The following ASB6 variants were observed in gnomAD, a reference collection of about 807,000 sequenced individuals.
The protein encoded by ASB6 is ankyrin repeat and SOCS box containing 6, also known as ankyrin repeat and SOCS box protein 6.
In ASB6, 24 loss-of-function variants were observed where a neutral mutation model predicts 28.6. That is an observed-to-expected ratio of 0.84 (90% CI 0.61 to 1.18). The LOEUF (loss-of-function observed/expected upper bound fraction) is 1.18. Ranked by LOEUF, ASB6 falls within the 50% of genes most tolerant of loss-of-function variation. The pLI, the probability that ASB6 is intolerant of heterozygous loss-of-function variation, is 0.00. For synonymous variants in ASB6, 267 were observed against 243.4 expected, an observed-to-expected ratio of 1.10 and a Z score of -0.90; for missense variants, 519 against 559.8, an observed-to-expected ratio of 0.93 and a Z score of 0.74.
chr9:129,640,866 C>G, intron 1 of ASB6, 144 bp from the exon 2 acceptor site: 1 of 986,080 alleles, frequency 1.0e-6, no homozygotes, highest in Non-Finnish European at 1.5e-6. Context: ...GGGGGAAGCT[C>G]TGAAGTAGAG....
chr9:129,639,967 C>G (rs1341688210), intron 2 of ASB6, among the ~76,000 whole-genome samples: 1 of 152,186 alleles, frequency 6.6e-6, no homozygotes, highest in Non-Finnish European at 1.5e-5. Context: ...GGAGACGTGC[C>G]TGGCTGTCTC....
Position 129,635,121 on chromosome 9 carries a change from G to T in ASB6, c.*2669C>A, listed in dbSNP as rs1195152416. 6.1e-6 allele frequency: 9 copies of T among 1,468,354 alleles called. No homozygotes were observed. The highest frequency in any genetic ancestry group is 8.3e-6 in the Non-Finnish European group (9 of 1,087,346). The allele number at this position is 1,468,354 out of a possible 1,614,324, so 91.0% of individuals were successfully genotyped here. ...CACAAAATGCTGGGCACAAATGAGG[G>T]GCTCAGCGGGGCTGAGAAGTACATC... On this transcript the variant is annotated 3_prime_UTR_variant, in exon 6 of 6. Coordinates refer to ENST00000277458, the MANE Select transcript of ASB6 (RefSeq NM_017873.4).
Position 129,637,808 on chromosome 9 carries a change from G to A in ASB6, c.1248C>T (p.Ser416=), listed in dbSNP as rs1418183579. The A allele has an allele frequency of 2.6e-6, 4 of 1,512,030 alleles. No homozygotes were observed. The highest frequency in any genetic ancestry group is 1.3e-5 in the South Asian group (1 of 74,546). 93.7% of individuals were successfully genotyped at this position (1,512,030 alleles called of 1,614,324 possible). The part of the protein sequence containing the change: ...KWYLLSEHSG[S]VEDDI ...AGACCTATCAGATGTCATCTTCCAC[G>A]GAGCCACTGTGCTCGCTAAGGAGGT... is the stretch of plus-strand genomic sequence containing the variant. Residue 416 remains serine (S), a synonymous_variant, in exon 6 of 6, where the codon TCC becomes TCT. Transcript: ENST00000277458.
rs202205016 is a variant in ASB6 at position 129,638,336 on chromosome 9, G to A, written c.720C>T (p.Phe240=). The change falls in exon 6 of 6, where the codon TTC becomes TTT. Residue 240 remains phenylalanine, a synonymous_variant. Coordinates refer to ENST00000277458, the MANE Select transcript of ASB6 (RefSeq NM_017873.4). ...EEAQMINRFC[F]QVTRLLLAHG... ...GTGCCAGCAGCAGCCGTGTGACTTG[G>A]AAGCAGAAGCGGTTGATCATCTGGG... 1.9e-5 allele frequency: 31 copies of A among 1,612,942 alleles called. No homozygotes were observed. In the East Asian group the frequency reaches 4.2e-4, roughly 22 times the overall value.
chr9:129,639,840 C>T (rs923542115), intron 2 of ASB6, among the ~76,000 whole-genome samples: 1 of 152,228 alleles, frequency 6.6e-6, no homozygotes, highest in Non-Finnish European at 1.5e-5. Context: ...CTGGTGGTAA[C>T]AGCCAGGTTC....
chr9:129,638,546 C>T lies in ASB6; in HGVS notation c.598+27G>A, dbSNP rs376199179. ...CACATCGAAGGGGCGGGTGAGAGGA[C>T]GAGGCCTAGGAGCGCGCCAGCCTCA... is the stretch of plus-strand genomic sequence containing the variant. On this transcript the variant is annotated intron_variant, in intron 5 of 5. Coordinates refer to ENST00000277458, the MANE Select transcript of ASB6 (RefSeq NM_017873.4). 43 of 1,613,006 alleles carry T rather than the reference C, an allele frequency of 2.7e-5. 1 individual carries two copies. Among genetic ancestry groups the T allele is most frequent in the Middle Eastern group, 3.3e-4 (2 of 6,062 alleles).
Position 129,638,402 on chromosome 9 carries a change from G to A in ASB6, c.654C>T (p.Ile218=), listed in dbSNP as rs774556364. ...CTCCCACGGTCTCACCAAGCAGGAA[G>A]ATGATGCAGGTGAACACTGTGTCCC... The part of the protein sequence containing the change: ...KDGDTVFTCI[I]FLLGETVGGD... Residue 218 remains isoleucine (I), a synonymous_variant, in exon 6 of 6, where the codon ATC becomes ATT. Coordinates refer to ENST00000277458, the MANE Select transcript of ASB6 (RefSeq NM_017873.4). 3.7e-6 allele frequency: 6 copies of A among 1,613,730 alleles called. No homozygotes were observed. The Admixed American group carries it at 6.7e-5, about 18-fold the overall frequency.
At position 129,638,257 on chromosome 9, in the gene ASB6, G is replaced by A; in HGVS notation, c.799C>T (p.Leu267=). 7 of 1,613,516 alleles carry A rather than the reference G, an allele frequency of 4.3e-6. No individual in the cohort carries two copies. Among genetic ancestry groups the A allele is most frequent in the Non-Finnish European group, 3.4e-6 (4 of 1,179,998 alleles). The part of the protein sequence containing the change: ...PAHESLTHIC[L]KSFKLHFPLL... ...GGGAAGTGCAGTTTAAAGCTCTTCA[G>A]GCAGATGTGGGTGAGGGACTCGTGG... Residue 267 remains leucine, a synonymous_variant, in exon 6 of 6, where the codon CTG becomes TTG. Transcript: ENST00000277458.
Position 129,634,972 on chromosome 9 carries a change from C to A in ASB6, c.*2818G>T. On this transcript the variant is annotated 3_prime_UTR_variant, in exon 6 of 6. Transcript: ENST00000277458. ...ATCAGGCAGGACTTGTAAGCCATCC[C>A]GTCAAGTCAAATTCTGGCTTAATGT... 1 of 548,710 alleles carries A rather than the reference C, an allele frequency of 1.8e-6. No homozygotes were observed. The highest frequency in any genetic ancestry group is 3.1e-5 in the East Asian group (1 of 32,238). The allele number at this position is 548,710 out of a possible 1,614,324, so 34.0% of individuals were successfully genotyped here.
rs1193315453 is a variant in ASB6, at chr9:129,642,006, G to A, written c.-7C>T. ...AGCCGTGCAGGAACGGCATCGCCGC[G>A]GGCCCCGCGCAGCAGGGCCGTCGCG... On this transcript the variant is annotated 5_prime_UTR_variant, in exon 1 of 6. Transcript: ENST00000277458. This position sits in a 1 kb window ranked among gnomAD's most constrained non-coding sequence, Gnocchi z 4.3. The A allele has an allele frequency of 1.9e-6, 3 of 1,590,884 alleles. No individual in the cohort carries two copies. The highest frequency in any genetic ancestry group is 8.5e-7 in the Non-Finnish European group (1 of 1,169,736).
In ASB6 at chr9:129,635,643, G is replaced by A; in HGVS notation, c.*2147C>T. 1 of 773,062 alleles carries A rather than the reference G, an allele frequency of 1.3e-6. No homozygotes were observed. The highest frequency in any genetic ancestry group is 2.5e-5 in the East Asian group (1 of 39,304). The allele number at this position is 773,062 out of a possible 1,614,324, so 47.9% of individuals were successfully genotyped here. A position where few individuals can be genotyped will look rare whatever the true frequency, so the allele number is the denominator to read the frequency against. On this transcript the variant is annotated 3_prime_UTR_variant, in exon 6 of 6. Coordinates refer to ENST00000277458, the MANE Select transcript of ASB6 (RefSeq NM_017873.4). ...AAAAGGCAAGGTGGGACCCGGCGGGGAGGGTGCTGCTGAACCAGCGGTGAG... is the reference window on the plus strand; with the variant it reads ...AAAAGGCAAGGTGGGACCCGGCGGGAAGGGTGCTGCTGAACCAGCGGTGAG...
chr9:129,639,262 G>C lies in ASB6; in HGVS notation c.451C>G (p.Leu151Val). 4 of 1,612,686 alleles carry C rather than the reference G, an allele frequency of 2.5e-6. No homozygotes were observed. Among genetic ancestry groups the C allele is most frequent in the Non-Finnish European group, 2.5e-6 (3 of 1,179,648 alleles). Residue 151 changes from leucine to valine, a missense_variant, in exon 4 of 6, where the codon CTG becomes GTG. Transcript: ENST00000277458. ...TCCAGGAGGCGCTGCAGGCAGGGCAGGCGCTCAGGCTCCTCGCTGGCCAGG... is the reference window on the plus strand; with the variant it reads ...TCCAGGAGGCGCTGCAGGCAGGGCACGCGCTCAGGCTCCTCGCTGGCCAGG... ...LDLASEEPER[L>V]PCLQRLLDLG...
rs1564353818 is a variant in ASB6 at position 129,637,634 on chromosome 9, T to C, written c.*156A>G. ...AGAGCTGCACCCTTCACCACTGGAG[T>C]GATCACAGCTTCAGGCTCTACCTGG... On this transcript the variant is annotated 3_prime_UTR_variant, in exon 6 of 6. Transcript: ENST00000277458. The C allele has an allele frequency of 1.4e-6, 1 of 696,004 alleles. No homozygotes were observed. Among genetic ancestry groups the C allele is most frequent in the Non-Finnish European group, 2.2e-6 (1 of 458,932 alleles). 43.1% of individuals were successfully genotyped at this position (696,004 alleles called of 1,614,324 possible).
At chr9:129,640,344 G>T in intron 2 of ASB6, 197 bp downstream of exon 2, 1 of 630,988 alleles carries the variant, frequency 1.6e-6, no homozygotes, top group African/African-American at 1.9e-5. Context: ...TGGAACAGAG[G>T]TGGGAAGAGC....
Position 129,635,058 on chromosome 9 carries a change from A to ATC in ASB6, c.*2730_*2731dup. On this transcript the variant is annotated 3_prime_UTR_variant, in exon 6 of 6. Transcript: ENST00000277458. ...TATTCTATGAATTGGGGTTTAGTAA[A>ATC]TCTCTCGGGACTGAGAGCCAATGAG... 2.3e-6 allele frequency: 2 copies of ATC among 877,778 alleles called. No homozygotes were observed. Among genetic ancestry groups the ATC allele is most frequent in the Non-Finnish European group, 3.5e-6 (2 of 572,404 alleles). 54.4% of individuals were successfully genotyped at this position (877,778 alleles called of 1,614,324 possible).
intron 4 of ASB6, 72 bp downstream of exon 4, chr9:129,639,129 TG>T: frequency 6.9e-7 from 1 of 1,443,318 alleles, no homozygotes; most frequent in Non-Finnish European, 9.4e-7. Context: ...GCTGTTGTCC[TG>T]GGGCACCCTG....
In ASB6 at chr9:129,637,085, G is replaced by GA. The variant is rs1831574700; in HGVS notation, c.*704dup. On this transcript the variant is annotated 3_prime_UTR_variant, in exon 6 of 6. Transcript: ENST00000277458. ...CCCTCACAACAGGAGACACTTCAGA[G>GA]AGGTCTGTCCCCAGCCACGCACTCA... 1 of 152,198 alleles carries GA rather than the reference G, an allele frequency of 6.6e-6. No homozygotes were observed. Among genetic ancestry groups the GA allele is most frequent in the Non-Finnish European group, 1.5e-5 (1 of 68,036 alleles). The allele number at this position is 152,198 out of a possible 1,614,324, so 9.4% of individuals were successfully genotyped here. A position where few individuals can be genotyped will look rare whatever the true frequency, so the allele number is the denominator to read the frequency against.
Position 129,635,001 on chromosome 9 carries a change from T to C in ASB6, c.*2789A>G, listed in dbSNP as rs1831444515. On this transcript the variant is annotated 3_prime_UTR_variant, in exon 6 of 6. Coordinates refer to ENST00000277458, the MANE Select transcript of ASB6 (RefSeq NM_017873.4). ...AAGTCAAATTCTGGCTTAATGTGTC[T>C]TTAGGTAGATGACCTCTGAGCCACA... The C allele has an allele frequency of 1.6e-6, 1 of 613,744 alleles. No homozygotes were observed. The highest frequency in any genetic ancestry group is 2.1e-5 in the South Asian group (1 of 48,360). 38.0% of individuals were successfully genotyped at this position (613,744 alleles called of 1,614,324 possible). A position where few individuals can be genotyped will look rare whatever the true frequency, so the allele number is the denominator to read the frequency against.
At chr9:129,638,867 G>T (rs1034141503) in intron 4 of ASB6, among the ~76,000 whole-genome samples, 1 of 152,224 alleles carries the variant, frequency 6.6e-6, no homozygotes, top group African/African-American at 2.4e-5. Context: ...GCCAGGAAAG[G>T]TAGGATTTTT....
Sources: gnomAD v4.1 joint callset for allele counts (sites outside exome capture counted in the v4.1 genomes callset) on GRCh38, gnomAD v4.1.1 for gene constraint, Gnocchi (gnomAD v3.1) non-coding constraint, MANE v1.5 for transcripts, NCBI Gene and HGNC (gene_info 2026-07-23, HGNC 2026-07-21) for gene names.